Variants in IP6K1 observed in about 807,000 individuals in gnomAD.
IP6K1 encodes ATP:1D-myo-inositol-hexakisphosphate phosphotransferase.
A neutral mutation model predicts 38.3 loss-of-function variants in IP6K1; 13 were observed. The observed-to-expected ratio is 0.34, with a 90% CI of 0.22 to 0.54. The LOEUF (loss-of-function observed/expected upper bound fraction) is 0.54. IP6K1 is among the 20% of genes least tolerant of loss of function. The probability of loss-of-function intolerance (pLI) is 0.92; values close to 1 mark genes in which losing one functional copy is unlikely to be tolerated. For synonymous variants in IP6K1, 212 were observed against 229.9 expected (o/e 0.92, Z 0.70); for missense variants, 397 against 599.8 (o/e 0.66, Z 3.53).
chr3:49,751,826 T>C (rs2080779650), intron 1 of IP6K1, among the ~76,000 whole-genome samples: 1 of 152,248 alleles, frequency 6.6e-6, no homozygotes, highest in East Asian at 1.9e-4. Flanking sequence ...TTCTGATTTT[T>C]TTCTCACTGG....
chr3:49,763,160 G>C (rs532669477), intron 1 of IP6K1, among the ~76,000 whole-genome samples: 95 of 146,586 alleles, frequency 6.5e-4, no homozygotes, highest in Admixed American at 1.2e-3. Context: ...CTGAAGTGTA[G>C]TGGCGCAATC....
intron 1 of IP6K1, among the ~76,000 whole-genome samples, chr3:49,773,838 G>C (rs972309245): frequency 2.0e-5 from 3 of 152,032 alleles, no homozygotes; most frequent in Admixed American, 1.3e-4. Flanking sequence ...ACATCTTCAA[G>C]TTGAGCATAA....
At chr3:49,779,648 T>G (rs568011700) in intron 1 of IP6K1, among the ~76,000 whole-genome samples, 9 of 152,290 alleles carry the variant, frequency 5.9e-5, no homozygotes, top group African/African-American at 2.2e-4. Flanking sequence ...ACAGAGTAAG[T>G]TGTTTAATGA....
At chr3:49,731,887 C>CAGAAAAAAAAAAAAAAAAAAA (rs2080564973) in intron 4 of IP6K1, among the ~76,000 whole-genome samples, 1 of 65,342 alleles carries the variant, frequency 1.5e-5, no homozygotes, top group Non-Finnish European at 2.9e-5. Context: ...GACTCTGTCT[C>CAGAAAAAAAAAAAAAAAAAAA]AAAAAAAAAA....
chr3:49,728,050 C>T (rs2307021), intron 5 of IP6K1, 53 bp downstream of exon 5: 4 of 1,563,496 alleles, frequency 2.6e-6, no homozygotes, highest in Admixed American at 1.7e-5. Context: ...GGTATGAGCA[C>T]AACCCAAATC....
At chr3:49,741,825 G>A (rs1462456068) in intron 2 of IP6K1, among the ~76,000 whole-genome samples, 1 of 152,158 alleles carries the variant, frequency 6.6e-6, no homozygotes, top group Admixed American at 6.6e-5. Context: ...CTTCCAGATA[G>A]GTGTTCTCTA....
intron 1 of IP6K1, chr3:49,786,052 G>C (rs1452504295): frequency 2.0e-5 from 3 of 152,282 alleles, no homozygotes; most frequent in East Asian, 1.9e-4. Flanking sequence ...GGTGGCACCG[G>C]ACACACTTTA....
At chr3:49,776,845 T>C (rs1336674392) in intron 1 of IP6K1, among the ~76,000 whole-genome samples, 2 of 152,222 alleles carry the variant, frequency 1.3e-5, no homozygotes, top group African/African-American at 2.4e-5. Flanking sequence ...AAATTTAATC[T>C]ACAGTGATAG....
At chr3:49,751,621 T>C (rs1382899414) in intron 1 of IP6K1, among the ~76,000 whole-genome samples, 2 of 152,226 alleles carry the variant, frequency 1.3e-5, no homozygotes, top group Non-Finnish European at 2.9e-5. Flanking sequence ...CCCAATCTTA[T>C]TCAGGTAGCC....
intron 1 of IP6K1, among the ~76,000 whole-genome samples, chr3:49,781,218 C>G (rs1043395202): frequency 6.6e-6 from 1 of 152,090 alleles, no homozygotes; most frequent in East Asian, 1.9e-4. Flanking sequence ...CCCGCCACCA[C>G]GCCTGACTAA....
chr3:49,761,822 T>C (rs917242832), intron 1 of IP6K1, among the ~76,000 whole-genome samples: 16 of 151,940 alleles, frequency 1.1e-4, no homozygotes, highest in Non-Finnish European at 1.8e-4. Flanking sequence ...GGCATGGTGG[T>C]ACATGCAGTC....
intron 1 of IP6K1, among the ~76,000 whole-genome samples, chr3:49,765,868 C>A (rs1340564340): frequency 2.0e-5 from 3 of 151,400 alleles, no homozygotes; most frequent in Middle Eastern, 3.4e-3. Context: ...CACAGCGAAA[C>A]CCCATATCTA....
chr3:49,768,282 A>G lies in IP6K1; in HGVS notation c.-129+18072T>C, dbSNP rs559863569. ...TATTCACAATAACCAAATGGTGTCTACGACCCATGTCCATCAACAGATAAA... is the reference window on the plus strand; with the variant it reads ...TATTCACAATAACCAAATGGTGTCTGCGACCCATGTCCATCAACAGATAAA... On this transcript the variant is annotated intron_variant, in intron 1 of 5. Transcript: ENST00000321599. 2.6e-5 allele frequency among the ~76,000 whole-genome samples: 4 copies of G among 152,328 alleles called. No homozygotes were observed. The South Asian group carries it at 8.3e-4, about 32-fold the overall frequency.
chr3:49,733,806 C>T (rs375565093), intron 3 of IP6K1, among the ~76,000 whole-genome samples: 2 of 152,192 alleles, frequency 1.3e-5, no homozygotes, highest in Admixed American at 6.5e-5. Context: ...TACCAAACCA[C>T]GCCCAGCCAA....
intron 1 of IP6K1, among the ~76,000 whole-genome samples, chr3:49,781,649 G>A (rs2081066774): frequency 6.6e-6 from 1 of 152,118 alleles, no homozygotes; most frequent in Admixed American, 6.6e-5. Context: ...TGGGGATTAG[G>A]ATAAACCCTG....
chr3:49,738,136 G>GC (rs1344554176), intron 3 of IP6K1, 76 bp downstream of exon 3: 6 of 1,220,640 alleles, frequency 4.9e-6, no homozygotes, highest in Non-Finnish European at 7.2e-6. Context: ...TGTGAGCCCT[G>GC]CTTCCCCATG....
intron 1 of IP6K1, among the ~76,000 whole-genome samples, chr3:49,768,286 C>T (rs2108255708): frequency 6.6e-6 from 1 of 152,264 alleles, no homozygotes; most frequent in East Asian, 1.9e-4. Context: ...GTGTCTACGA[C>T]CCATGTCCAT....
At chr3:49,746,531 G>A (rs188661554) in intron 2 of IP6K1, among the ~76,000 whole-genome samples, 973 of 95,644 alleles carry the variant, frequency 0.01, 9 homozygotes, top group Non-Finnish European at 0.014. Context: ...ATAGCTGGGC[G>A]TGGTGGCACA....
Position 49,726,957 on chromosome 3 carries a change from T to TTA in IP6K1, c.*163_*164dup. 1 of 707,598 alleles carries TTA rather than the reference T, an allele frequency of 1.4e-6. No individual in the cohort carries two copies. The highest frequency in any genetic ancestry group is 2.3e-6 in the Non-Finnish European group (1 of 439,550). 43.8% of individuals were successfully genotyped at this position (707,598 alleles called of 1,614,324 possible). A position where few individuals can be genotyped will look rare whatever the true frequency, so the allele number is the denominator to read the frequency against. On this transcript the variant is annotated 3_prime_UTR_variant, in exon 6 of 6. Transcript: ENST00000321599. ...GGCGTGTGGTCTGCCCTCCTTCACT[T>TTA]TATATATATGGATTCCAGGCTACAG...
Sources: allele counts gnomAD v4.1 joint callset (sites outside exome capture counted in the v4.1 genomes callset), GRCh38; gene constraint gnomAD v4.1.1; transcripts MANE v1.5; gene names NCBI Gene and HGNC (gene_info 2026-07-23, HGNC 2026-07-21).